GPSM1: variants seen among roughly 807,000 people sequenced by gnomAD.
GPSM1 encodes G protein signaling modulator 1, also known as G protein-signaling modulator 1.
In GPSM1, 48 loss-of-function variants were observed where a neutral mutation model predicts 70.5. The observed-to-expected ratio is 0.68, with a 90% CI of 0.54 to 0.87. The LOEUF (loss-of-function observed/expected upper bound fraction) is 0.87, where lower values mean the gene tolerates loss of function less well. Ranked by LOEUF, GPSM1 falls within the 40% of genes least tolerant of loss-of-function variation. The pLI, the probability that GPSM1 is intolerant of heterozygous loss-of-function variation, is 0.00. For missense variants in GPSM1, 981 were observed against 972.6 expected (o/e 1.01, Z -0.11); for synonymous variants, 416 against 430.1 (o/e 0.97, Z 0.41).
Position 136,339,833 on chromosome 9 carries a change from C to G in GPSM1, c.1083+18C>G. 1.4e-6 allele frequency: 2 copies of G among 1,478,780 alleles called. No individual in the cohort carries two copies. The highest frequency in any genetic ancestry group is 2.4e-5 in the South Asian group (2 of 82,730). The allele number at this position is 1,478,780 out of a possible 1,614,324, so 91.6% of individuals were successfully genotyped here. A position where few individuals can be genotyped will look rare whatever the true frequency, so the allele number is the denominator to read the frequency against. ...CCCAGGAGGTGAGCCAGGCCTGCCC[C>G]CAGAAGTCCCGGGCACTGCCCAGCC... On this transcript the variant is annotated intron_variant, in intron 8 of 13. Transcript: ENST00000440944.
intron 11 of GPSM1, chr9:136,354,983 T>C (rs1349114980): frequency 4.6e-5 from 50 of 1,075,842 alleles, no homozygotes; most frequent in Non-Finnish European, 5.3e-5. Context: ...GTAGCACCCA[T>C]GAGAGGGGAG....
chr9:136,341,716 G>A lies in GPSM1; in HGVS notation c.1207+723G>A, dbSNP rs1357392076. On this transcript the variant is annotated intron_variant, in intron 9 of 13. Transcript: ENST00000440944. The surrounding 1 kb of genome is among the most constrained non-coding windows in gnomAD (Gnocchi z 6.7). ...AGAAGGGATGCCTGCCTCCCAGAAC[G>A]TACCTGGTGCCCCCCAGGCCTGCTA... The A allele has an allele frequency of 4.0e-6, 4 of 990,624 alleles. No individual in the cohort carries two copies. The highest frequency in any genetic ancestry group is 1.1e-4 in the East Asian group (1 of 8,864). The allele number at this position is 990,624 out of a possible 1,614,324, so 61.4% of individuals were successfully genotyped here.
At position 136,359,530 on chromosome 9, in the gene GPSM1, A is replaced by G. The variant is rs966627352; in HGVS notation, c.*1310A>G. The G allele has an allele frequency of 5.3e-5, 8 of 152,328 alleles. No individual in the cohort carries two copies. The highest frequency in any genetic ancestry group is 1.9e-4 in the East Asian group (1 of 5,330). 9.4% of individuals were successfully genotyped at this position (152,328 alleles called of 1,614,324 possible). A position where few individuals can be genotyped will look rare whatever the true frequency, so the allele number is the denominator to read the frequency against. On this transcript the variant is annotated 3_prime_UTR_variant, in exon 14 of 14. Transcript: ENST00000440944. ...TGCTCACGTCTGTGCCATGTTGTCA[A>G]TGGGTCCTTTCCAACCCAAGAGGTA... is the stretch of plus-strand genomic sequence containing the variant.
At chr9:136,332,484 A>G (rs28711268) in intron 1 of GPSM1, among the ~76,000 whole-genome samples, 79,197 of 152,112 alleles carry the variant, frequency 0.52, 21,007 homozygotes, top group Middle Eastern at 0.63. Context: ...TCTGGGCTCC[A>G]CAGACACCCA....
Position 136,341,247 on chromosome 9 carries a change from C to T in GPSM1, c.1207+254C>T. Reference sequence around the variant, plus strand: ...GACAGGAGGTGGTCGCCTGTTGCCCCACTGGCTGCTCCAGGGCCTCCACCC... The same window carrying T: ...GACAGGAGGTGGTCGCCTGTTGCCCTACTGGCTGCTCCAGGGCCTCCACCC... On this transcript the variant is annotated intron_variant, in intron 9 of 13. Transcript: ENST00000440944. The surrounding 1 kb of genome is among the most constrained non-coding windows in gnomAD (Gnocchi z 6.7). 6.7e-7 allele frequency: 1 copy of T among 1,501,188 alleles called. No homozygotes were observed. The highest frequency in any genetic ancestry group is 1.3e-5 in the South Asian group (1 of 77,422). The allele number at this position is 1,501,188 out of a possible 1,614,324, so 93.0% of individuals were successfully genotyped here. A position where few individuals can be genotyped will look rare whatever the true frequency, so the allele number is the denominator to read the frequency against.
At position 136,337,581 on chromosome 9, in the gene GPSM1, G is replaced by A. The variant is rs1435854867; in HGVS notation, c.702+17G>A. 1.9e-6 allele frequency: 3 copies of A among 1,552,572 alleles called. No individual in the cohort carries two copies. Among genetic ancestry groups the A allele is most frequent in the East Asian group, 4.8e-5 (2 of 41,416 alleles). ...CACAAGGAGGTGAGCCGGGCAGGGT[G>A]ACAGGGTGGAGGGGCCGGGCTGCTG... On this transcript the variant is annotated intron_variant, in intron 5 of 13. Coordinates refer to ENST00000440944, the MANE Select transcript of GPSM1 (RefSeq NM_001145638.3).
chr9:136,355,651 G>A (rs782003582), intron 11 of GPSM1, 39 bp from the exon 12 acceptor site: 3 of 1,600,312 alleles, frequency 1.9e-6, no homozygotes, highest in Non-Finnish European at 2.6e-6. Flanking sequence ...GGGGTCTGCG[G>A]GGCTAGCTTT....
Position 136,358,488 on chromosome 9 carries a change from C to T in GPSM1, c.*268C>T, listed in dbSNP as rs1202405010. On this transcript the variant is annotated 3_prime_UTR_variant, in exon 14 of 14. Coordinates refer to ENST00000440944, the MANE Select transcript of GPSM1 (RefSeq NM_001145638.3). The stretch of plus-strand genomic sequence containing the variant: ...GGGCCTTCGGCATGTCGGCCCCGAC[C>T]TGGTGCTGTCAGACTCCCGCATCCT... 1.8e-5 allele frequency: 10 copies of T among 547,902 alleles called. No individual in the cohort carries two copies. Among genetic ancestry groups the T allele is most frequent in the South Asian group, 7.0e-5 (3 of 43,150 alleles). The allele number at this position is 547,902 out of a possible 1,614,324, so 33.9% of individuals were successfully genotyped here.
At chr9:136,331,373 C>CT (rs1332714741) in intron 1 of GPSM1, among the ~76,000 whole-genome samples, 1 of 151,228 alleles carries the variant, frequency 6.6e-6, no homozygotes, top group African/African-American at 2.4e-5. Context: ...AGCCCCCCCC[C>CT]CCCGCTGCCC....
intron 1 of GPSM1, 53 bp downstream of exon 1, chr9:136,327,816 G>T: frequency 1.4e-6 from 1 of 713,312 alleles, no homozygotes; most frequent in East Asian, 4.2e-5. Flanking sequence ...GGACCGGGCC[G>T]GGTCGGGACG....
chr9:136,336,836 G>T lies in GPSM1; in HGVS notation c.427-85G>T, dbSNP rs550505241. ...CAAGGCCCTCGCTGTCGAGGGCTGG[G>T]ACAGTGAGGACACCGGTGTGCCGGC... On this transcript the variant is annotated intron_variant, in intron 3 of 13. Transcript: ENST00000440944. The T allele has an allele frequency of 2.6e-4, 348 of 1,344,602 alleles. 3 individuals are homozygous for T. In the African/African-American group the frequency reaches 4.6e-3, roughly 18 times the overall value. The allele number at this position is 1,344,602 out of a possible 1,614,324, so 83.3% of individuals were successfully genotyped here.
chr9:136,337,756 G>A (rs1015492555), intron 5 of GPSM1, 90 bp from the exon 6 acceptor site: 26 of 1,113,236 alleles, frequency 2.3e-5, no homozygotes, highest in Admixed American at 5.8e-5. Context: ...ATCTCTGGCC[G>A]GCCACCTGGG....
At chr9:136,328,245 C>T (rs1554768161) in intron 1 of GPSM1, among the ~76,000 whole-genome samples, 4 of 152,246 alleles carry the variant, frequency 2.6e-5, no homozygotes, top group Admixed American at 1.3e-4. Flanking sequence ...ATCTACTCTC[C>T]GGGCACATTC....
rs782087868 is a variant in GPSM1 at position 136,338,720 on chromosome 9, C to T, written c.974+10C>T. 3.9e-6 allele frequency: 6 copies of T among 1,538,992 alleles called. No individual in the cohort carries two copies. The highest frequency in any genetic ancestry group is 2.7e-5 in the African/African-American group (2 of 73,042). On this transcript the variant is annotated intron_variant, in intron 7 of 13. Coordinates refer to ENST00000440944, the MANE Select transcript of GPSM1 (RefSeq NM_001145638.3). ...AGGAGCTGGCCGACAGGTGCGTGGG[C>T]GCGGACGCGGCGGGCAGACCCGGCC...
intron 4 of GPSM1, 139 bp from the exon 5 acceptor site, chr9:136,337,299 GGAC>G: frequency 7.6e-7 from 1 of 1,323,500 alleles, no homozygotes; most frequent in African/African-American, 1.5e-5. Flanking sequence ...CAGAGCTCGA[GGAC>G]CCTGGAGCCT....
At chr9:136,356,301 C>A in intron 12 of GPSM1, 41 bp from the exon 13 acceptor site, 1 of 1,436,038 alleles carries the variant, frequency 7.0e-7, no homozygotes, top group Non-Finnish European at 9.3e-7. Context: ...CGGGCTTGAC[C>A]CCGCACTGGG....
chr9:136,336,858 C>T (rs917685903), intron 3 of GPSM1, 63 bp from the exon 4 acceptor site: 12 of 1,458,806 alleles, frequency 8.2e-6, no homozygotes, highest in African/African-American at 7.0e-5. Context: ...ACCGGTGTGC[C>T]GGCTCTGCAC....
intron 1 of GPSM1, among the ~76,000 whole-genome samples, chr9:136,328,394 G>A (rs1014083479): frequency 2.0e-5 from 3 of 152,162 alleles, no homozygotes; most frequent in Non-Finnish European, 2.9e-5. Context: ...GCAGGTGCCT[G>A]GAGCCCCAAG....
chr9:136,342,263 G>A lies in GPSM1; in HGVS notation c.1207+1270G>A, dbSNP rs1360340699. 6.6e-6 allele frequency among the ~76,000 whole-genome samples: 1 copy of A among 152,120 alleles called. No individual in the cohort carries two copies. The highest frequency in any genetic ancestry group is 2.4e-5 in the African/African-American group (1 of 41,420). On this transcript the variant is annotated intron_variant, in intron 9 of 13. Transcript: ENST00000440944. This position sits in a 1 kb window ranked among gnomAD's most constrained non-coding sequence, Gnocchi z 5.5. ...CCTCCTGTGTCCCTGGCTCGGCACT[G>A]CCACCATCTGGGACCCCAGCAGCAA... is the stretch of plus-strand genomic sequence containing the variant.
Sources: gnomAD v4.1 joint callset for allele counts (sites outside exome capture counted in the v4.1 genomes callset) on GRCh38, gnomAD v4.1.1 for gene constraint, Gnocchi (gnomAD v3.1) non-coding constraint, MANE v1.5 for transcripts, NCBI Gene and HGNC (gene_info 2026-07-23, HGNC 2026-07-21) for gene names.